SOX5: variants seen among roughly 807,000 people sequenced by gnomAD.
SOX5 encodes SRY-box transcription factor 5.
A neutral mutation model predicts 92.0 loss-of-function variants in SOX5; 9 were observed. The observed-to-expected ratio is 0.10, with a 90% CI of 0.06 to 0.17. SOX5 has a LOEUF of 0.17. SOX5 is among the 10% of genes least tolerant of loss of function. The pLI is 1.00. For missense variants in SOX5, 642 were observed against 944.5 expected, an observed-to-expected ratio of 0.68 and a Z score of 4.20; for synonymous variants, 344 against 336.3, an observed-to-expected ratio of 1.02 and a Z score of -0.25.
chr12:23,689,028 G>C (rs2139989554), intron 6 of SOX5, among the ~76,000 whole-genome samples: 1 of 152,218 alleles, frequency 6.6e-6, no homozygotes, highest in Non-Finnish European at 1.5e-5. Flanking sequence ...CCCCAAGCTA[G>C]TGTAAGCTCA....
At chr12:23,610,776 A>T (rs1200554579) in intron 8 of SOX5, among the ~76,000 whole-genome samples, 1 of 152,152 alleles carries the variant, frequency 6.6e-6, no homozygotes, top group Non-Finnish European at 1.5e-5. Context: ...AACAAAGTAA[A>T]TTAATAACCT....
chr12:24,491,452 G>A (rs1057108323), intron 1 of SOX5, among the ~76,000 whole-genome samples: 7 of 151,688 alleles, frequency 4.6e-5, no homozygotes, highest in African/African-American at 1.5e-4. Context: ...AGAGTCACTT[G>A]CTAGTGTTTG....
chr12:24,303,626 A>AAGTTGAAG (rs1948243674), intron 2 of SOX5, among the ~76,000 whole-genome samples: 1 of 152,236 alleles, frequency 6.6e-6, no homozygotes, highest in African/African-American at 2.4e-5. Flanking sequence ...AAGAAAGTAT[A>AAGTTGAAG]AAAGATGTCT....
At chr12:24,028,964 T>A (rs764971861) in intron 4 of SOX5, among the ~76,000 whole-genome samples, 1 of 152,082 alleles carries the variant, frequency 6.6e-6, no homozygotes, top group Non-Finnish European at 1.5e-5. Context: ...AAGTTGGCGC[T>A]GCTTAGAAGC....
intron 1 of SOX5, among the ~76,000 whole-genome samples, chr12:24,511,851 G>A (rs1241771108): frequency 6.6e-6 from 1 of 151,734 alleles, no homozygotes; most frequent in Non-Finnish European, 1.5e-5. Context: ...CCAGCTACTC[G>A]GGAGGCTGAG....
At chr12:24,115,605 A>G (rs1947903847) in intron 4 of SOX5, among the ~76,000 whole-genome samples, 1 of 152,214 alleles carries the variant, frequency 6.6e-6, no homozygotes, top group African/African-American at 2.4e-5. Context: ...GAGAAGCCAG[A>G]AAGTGTGAGA....
chr12:23,916,373 G>T (rs1364785435), intron 1 of SOX5, among the ~76,000 whole-genome samples: 1 of 152,158 alleles, frequency 6.6e-6, no homozygotes, highest in Non-Finnish European at 1.5e-5. Context: ...TGCAGTTCCA[G>T]GTAGATTTCT....
chr12:24,041,073 C>T (rs1305488970), intron 4 of SOX5, among the ~76,000 whole-genome samples: 2 of 152,080 alleles, frequency 1.3e-5, no homozygotes, highest in Non-Finnish European at 2.9e-5. Context: ...ATCAAAAATA[C>T]TATTATTTCT....
At chr12:23,735,679 GA>G (rs1295699228) in intron 5 of SOX5, among the ~76,000 whole-genome samples, 1 of 152,094 alleles carries the variant, frequency 6.6e-6, no homozygotes, top group Non-Finnish European at 1.5e-5. Flanking sequence ...TTATTCAAAG[GA>G]ACCTCAAGTT....
chr12:23,723,599 C>T (rs181066568), intron 6 of SOX5, among the ~76,000 whole-genome samples: 273 of 149,918 alleles, frequency 1.8e-3, no homozygotes, highest in African/African-American at 6.2e-3. Context: ...CACACACACA[C>T]GCACTCACAC....
intron 2 of SOX5, among the ~76,000 whole-genome samples, chr12:24,291,697 C>T (rs1946641199): frequency 6.6e-6 from 1 of 152,134 alleles, no homozygotes; most frequent in African/African-American, 2.4e-5. Context: ...TACAGTATGG[C>T]TCAGTATGGT....
At chr12:24,076,945 T>C (rs2137537727) in intron 4 of SOX5, among the ~76,000 whole-genome samples, 1 of 152,224 alleles carries the variant, frequency 6.6e-6, no homozygotes, top group East Asian at 1.9e-4. Context: ...TACAATACTA[T>C]TATCCAAGCC....
At chr12:24,081,675 C>G (rs1569536615) in intron 4 of SOX5, among the ~76,000 whole-genome samples, 1 of 151,936 alleles carries the variant, frequency 6.6e-6, no homozygotes, top group Admixed American at 6.6e-5. Flanking sequence ...CTGCACGGAA[C>G]GTCACCCTTT....
upstream of SOX5, among the ~76,000 whole-genome samples, chr12:23,951,512 C>T (rs1000279779): frequency 1.5e-4 from 23 of 152,098 alleles, no homozygotes; most frequent in African/African-American, 4.8e-4. Flanking sequence ...ACATCATACA[C>T]ATATTCCAAA....
intron 4 of SOX5, among the ~76,000 whole-genome samples, chr12:24,163,735 A>G (rs970819974): frequency 2.0e-5 from 3 of 151,968 alleles, no homozygotes; most frequent in Non-Finnish European, 4.4e-5. Context: ...AATGATAAAA[A>G]TAATAATTTT....
intron 3 of SOX5, among the ~76,000 whole-genome samples, chr12:23,789,027 G>C (rs1036731102): frequency 2.6e-5 from 4 of 151,870 alleles, no homozygotes; most frequent in African/African-American, 9.7e-5. Flanking sequence ...GAGCAGAGCT[G>C]CCACATTTAA....
At chr12:24,047,238 G>A (rs1957131351) in intron 4 of SOX5, among the ~76,000 whole-genome samples, 1 of 152,146 alleles carries the variant, frequency 6.6e-6, no homozygotes, top group Non-Finnish European at 1.5e-5. Flanking sequence ...GAGAGGCAGG[G>A]AGAAAACTGG....
intron 1 of SOX5, among the ~76,000 whole-genome samples, chr12:24,386,081 A>G (rs376163222): frequency 6.5e-4 from 99 of 152,164 alleles, no homozygotes; most frequent in African/African-American, 2.3e-3. Context: ...TAAACAAAGT[A>G]TGGTATATCC....
At chr12:24,059,728 C>T (rs995149017) in intron 4 of SOX5, among the ~76,000 whole-genome samples, 2 of 152,136 alleles carry the variant, frequency 1.3e-5, no homozygotes, top group East Asian at 3.9e-4. Context: ...ATCTCCTCTG[C>T]CAGTTCCTGG....
Sources: allele counts gnomAD v4.1 joint callset (sites outside exome capture counted in the v4.1 genomes callset), GRCh38; gene constraint gnomAD v4.1.1; transcripts MANE v1.5; gene names NCBI Gene and HGNC (gene_info 2026-07-23, HGNC 2026-07-21).